IPO11: variants seen among roughly 807,000 people sequenced by gnomAD.
The protein encoded by IPO11 is importin 11.
A neutral mutation model predicts 143.2 loss-of-function variants in IPO11; 66 were observed. That is an observed-to-expected ratio of 0.46 (90% CI 0.38 to 0.57). The LOEUF (loss-of-function observed/expected upper bound fraction) is 0.57. IPO11 is among the 20% of genes least tolerant of loss of function. The pLI is 0.00. For synonymous variants in IPO11, 385 were observed against 377.8 expected (o/e 1.02, Z -0.22); for missense variants, 1,026 against 1,141.0 (o/e 0.90, Z 1.45).
At chr5:62,434,640 G>C (rs908152382) in intron 1 of IPO11, among the ~76,000 whole-genome samples, 2 of 152,054 alleles carry the variant, frequency 1.3e-5, no homozygotes, top group Non-Finnish European at 2.9e-5. Flanking sequence ...ACAGGATTTT[G>C]AAGATTTAGT....
At chr5:62,464,521 G>A (rs1745501949) in intron 5 of IPO11, among the ~76,000 whole-genome samples, 1 of 151,892 alleles carries the variant, frequency 6.6e-6, no homozygotes, top group South Asian at 2.1e-4. Context: ...CCAGATTGGA[G>A]TGCAGTGGTG....
intron 28 of IPO11, among the ~76,000 whole-genome samples, chr5:62,593,893 AAT>A (rs1745121388): frequency 6.6e-6 from 1 of 152,234 alleles, no homozygotes; most frequent in African/African-American, 2.4e-5. Flanking sequence ...CTATGAATTA[AAT>A]AGAGTTCTAT....
chr5:62,413,733 G>A (rs1338905073), intron 1 of IPO11, among the ~76,000 whole-genome samples: 2 of 152,182 alleles, frequency 1.3e-5, no homozygotes, highest in Non-Finnish European at 2.9e-5. Flanking sequence ...TTATTCTTCA[G>A]AAGGAAGAAT....
chr5:62,502,684 C>G (rs1176353928), intron 16 of IPO11, among the ~76,000 whole-genome samples: 1 of 152,180 alleles, frequency 6.6e-6, no homozygotes, highest in Non-Finnish European at 1.5e-5. Flanking sequence ...TACTTATTTG[C>G]ATAAATGTTA....
At chr5:62,591,385 T>A (rs1745004761) in intron 27 of IPO11, among the ~76,000 whole-genome samples, 192 bp from the exon 28 acceptor site, 1 of 152,178 alleles carries the variant, frequency 6.6e-6, no homozygotes, top group African/African-American at 2.4e-5. Context: ...AACATACTAA[T>A]TAGTGAAAAA....
At chr5:62,581,106 A>G (rs1744541053) in intron 27 of IPO11, 1 of 1,549,500 alleles carries the variant, frequency 6.5e-7, no homozygotes, top group Non-Finnish European at 8.7e-7. Flanking sequence ...AACAAAAACT[A>G]AAGGCATCAG....
chr5:62,556,333 G>GTAAATAAA (rs1561361571), intron 26 of IPO11, among the ~76,000 whole-genome samples: 2 of 152,008 alleles, frequency 1.3e-5, no homozygotes, highest in Admixed American at 6.6e-5. Flanking sequence ...TCAAAAATAA[G>GTAAATAAA]TAAATAAATA....
At chr5:62,419,213 C>A in intron 1 of IPO11, 1 of 1,430,552 alleles carries the variant, frequency 7.0e-7, no homozygotes, top group Non-Finnish European at 9.3e-7. Context: ...TACATCTGTA[C>A]AGGGCACTTA....
At chr5:62,582,920 CAGAA>C (rs1203896190) in intron 27 of IPO11, among the ~76,000 whole-genome samples, 2 of 152,096 alleles carry the variant, frequency 1.3e-5, no homozygotes, top group South Asian at 2.1e-4. Context: ...GAGAGAAAAT[CAGAA>C]AGGAGCTGAA....
At chr5:62,504,968 A>T (rs1337841495) in intron 18 of IPO11, 70 bp downstream of exon 18, 1 of 838,950 alleles carries the variant, frequency 1.2e-6, no homozygotes, top group Non-Finnish European at 1.9e-6. Flanking sequence ...ATACTATTTT[A>T]TACATGAAAT....
At chr5:62,491,306 A>G (rs1746600285) in intron 15 of IPO11, among the ~76,000 whole-genome samples, 1 of 152,204 alleles carries the variant, frequency 6.6e-6, no homozygotes. Flanking sequence ...CAGTTAACAT[A>G]TATTTTTAAC....
intron 5 of IPO11, among the ~76,000 whole-genome samples, chr5:62,457,887 G>T (rs763846474): frequency 6.6e-6 from 1 of 152,140 alleles, no homozygotes; most frequent in Non-Finnish European, 1.5e-5. Context: ...GGTGGCTCAC[G>T]CCTGTAATCC....
Position 62,484,042 on chromosome 5 carries a change from A to G in IPO11, c.1054A>G (p.Ile352Val). 3 of 1,609,052 alleles carry G rather than the reference A, an allele frequency of 1.9e-6. No homozygotes were observed. The highest frequency in any genetic ancestry group is 1.1e-5 in the South Asian group (1 of 89,646). The change falls in exon 11 of 30, where the codon ATT becomes GTT. Residue 352 changes from isoleucine (I) to valine (V), a missense_variant. By Grantham distance (29) the Ile-to-Val change is conservative. This residue lies in a region of IPO11 where 429 missense variants were observed against 456.3 expected (regional missense o/e 0.94). Coordinates refer to ENST00000325324, the MANE Select transcript of IPO11 (RefSeq NM_016338.5). ...CCCTGAAACTCTTGAAGCCCATAAG[A>G]TTAAGATGGCATTCTTCACATATCC... ...SSPETLEAHK[I>V]KMAFFTYPTL...
In IPO11 at chr5:62,595,671, T is replaced by C. The variant is rs189405912; in HGVS notation, c.2678+3999T>C. 3.3e-5 allele frequency among the ~76,000 whole-genome samples: 5 copies of C among 152,324 alleles called. No homozygotes were observed. In the East Asian group the frequency reaches 9.6e-4, roughly 29 times the overall value. On this transcript the variant is annotated intron_variant, in intron 28 of 29. Coordinates refer to ENST00000325324, the MANE Select transcript of IPO11 (RefSeq NM_016338.5). ...TCTTCAGAGTTGTACAGAAAATGAA[T>C]TCTTTTGGAAGAAAGAAGAATTCCA...
chr5:62,415,163 C>G (rs757371268), intron 1 of IPO11, among the ~76,000 whole-genome samples: 2 of 152,164 alleles, frequency 1.3e-5, no homozygotes, highest in African/African-American at 2.4e-5. Context: ...TAACCCACCA[C>G]CTTTCCTCTT....
At chr5:62,510,942 A>G (rs1348871068) in intron 19 of IPO11, among the ~76,000 whole-genome samples, 1 of 152,128 alleles carries the variant, frequency 6.6e-6, no homozygotes, top group Non-Finnish European at 1.5e-5. Context: ...CATGTTGGCC[A>G]GGCTGGTTTT....
intron 26 of IPO11, among the ~76,000 whole-genome samples, chr5:62,560,455 T>G (rs1743734133): frequency 6.6e-6 from 1 of 152,220 alleles, no homozygotes; most frequent in Non-Finnish European, 1.5e-5. Context: ...TCACATTATC[T>G]AGGGCATTCT....
intron 5 of IPO11, among the ~76,000 whole-genome samples, chr5:62,454,444 A>G (rs943108065): frequency 6.6e-6 from 1 of 152,176 alleles, no homozygotes; most frequent in Non-Finnish European, 1.5e-5. Flanking sequence ...AAAGGCTACC[A>G]GTCTATAGAA....
rs1224495931 is a variant in IPO11, at chr5:62,487,802, T to G, written c.1250T>G (p.Phe417Cys). The change falls in exon 13 of 30, where the codon TTC (phenylalanine) becomes TGC (cysteine). Residue 417 changes from phenylalanine to cysteine, a missense_variant. Around this residue, in one of 5 missense-constraint regions of IPO11, gnomAD observed 237 missense variants for 288.0 expected, o/e 0.82. Transcript: ENST00000325324. ...PCTEVLFIDI[F>C]HEYNQTLTPV... is the part of the protein sequence containing the mutation. ...ACTGAAGTATTATTTATAGATATAT[T>G]CCATGAATATAATCAGACTCTTACT... 1.2e-6 allele frequency: 2 copies of G among 1,608,388 alleles called. No homozygotes were observed. Among genetic ancestry groups the G allele is most frequent in the East Asian group, 4.5e-5 (2 of 44,712 alleles).
Sources: allele counts gnomAD v4.1 joint callset (sites outside exome capture counted in the v4.1 genomes callset), GRCh38; gene constraint gnomAD v4.1.1; regional missense constraint gnomAD v4.1.1; transcripts MANE v1.5; gene names NCBI Gene and HGNC (gene_info 2026-07-23, HGNC 2026-07-21).